The following ZNF185 variants were observed in gnomAD, a reference collection of about 807,000 sequenced individuals.
The protein encoded by ZNF185 is zinc finger protein 185 with LIM domain, also known as zinc finger protein 185.
Under a neutral mutation model 58.6 loss-of-function variants are expected in ZNF185, and 56 were observed. That is an observed-to-expected ratio of 0.95 (90% CI 0.77 to 1.19). The LOEUF is 1.19. Ranked by LOEUF, ZNF185 falls within the 50% of genes most tolerant of loss-of-function variation. ZNF185 has a pLI of 0.00. For synonymous variants in ZNF185, 230 were observed against 215.9 expected, an observed-to-expected ratio of 1.07 and a Z score of -0.57; for missense variants, 627 against 573.5, an observed-to-expected ratio of 1.09 and a Z score of -0.95.
chrX:152,902,651 C>A, the ZNF185 span, among the ~76,000 whole-genome samples: 1 of 112,515 alleles, frequency 8.9e-6, no homozygotes, highest in Non-Finnish European at 1.9e-5. Context: ...CTAGGCCGAT[C>A]CCCCCAGCAC....
At position 152,919,121 on chromosome X, in the gene ZNF185, G is replaced by A. The variant is rs189557474; in HGVS notation, c.530+40G>A. On this transcript the variant is annotated intron_variant, in intron 7 of 22. Transcript: ENST00000449285. The stretch of plus-strand genomic sequence containing the variant: ...CCTTTTGGGCATCCCGGGGGGCAGG[G>A]CAGGAGCCTGAGTCTTCGAAGACTG... The A allele has an allele frequency of 3.2e-5, 34 of 1,071,355 alleles. No individual in the cohort carries two copies. In the African/African-American group the frequency reaches 5.9e-4, roughly 19 times the overall value. 88.3% of individuals were successfully genotyped at this position (1,071,355 alleles called of 1,213,427 possible). A position where few individuals can be genotyped will look rare whatever the true frequency, so the allele number is the denominator to read the frequency against.
At position 152,914,867 on chromosome X, in the gene ZNF185, C is replaced by T. The variant is rs781901654; in HGVS notation, c.158+34C>T. 39 of 1,161,898 alleles carry T rather than the reference C, an allele frequency of 3.4e-5. No individual in the cohort carries two copies. In the East Asian group the frequency reaches 9.9e-4, roughly 30 times the overall value. ...AGGAGGCGGGGAGGGACCGCAGCAA[C>T]GTGGGGGCGCGCAATCCGTGGGGGA... On this transcript the variant is annotated intron_variant, in intron 2 of 22. Coordinates refer to ENST00000449285, the Ensembl canonical transcript of ZNF185.
Position 152,914,836 on chromosome X carries a change from A to G in ZNF185, c.158+3A>G, listed in dbSNP as rs782818438. 1.3e-5 allele frequency: 15 copies of G among 1,179,735 alleles called. No homozygotes were observed. The East Asian group carries it at 4.3e-4, about 34-fold the overall frequency. ...GATGAATCGGAGGGTCGCACCATGTAAGGCAAGGAGGCGGGGAGGGACCGC... is the reference window on the plus strand; with the variant it reads ...GATGAATCGGAGGGTCGCACCATGTGAGGCAAGGAGGCGGGGAGGGACCGC... On this transcript the variant is annotated splice_donor_region_variant and intron_variant, in intron 2 of 22. Coordinates refer to ENST00000449285, the Ensembl canonical transcript of ZNF185.
chrX:152,911,486 T>C (rs1481699995), upstream of ZNF185, among the ~76,000 whole-genome samples: 2 of 111,029 alleles, frequency 1.8e-5, no homozygotes, highest in Non-Finnish European at 3.8e-5. Flanking sequence ...GAGGTGCAGA[T>C]AAAGGCAGCA....
At chrX:152,913,686 C>G (rs1937705867), upstream of ZNF185, among the ~76,000 whole-genome samples, 1 of 112,098 alleles carries the variant, frequency 8.9e-6, no homozygotes, top group Non-Finnish European at 1.9e-5. Context: ...GAAGGTGGAG[C>G]CAACCCCCGA....
At chrX:152,920,289 G>T (rs782776865) in intron 7 of ZNF185, 39 bp from the exon 9 acceptor site, 1 of 1,184,918 alleles carries the variant, frequency 8.4e-7, no homozygotes, top group Non-Finnish European at 1.1e-6. Flanking sequence ...TGTCCAGCTT[G>T]GCACCCATCA....
At chrX:152,912,031 A>G (rs1457296185), upstream of ZNF185, among the ~76,000 whole-genome samples, 1 of 38,565 alleles carries the variant, frequency 2.6e-5, no homozygotes, top group African/African-American at 1.0e-4. Flanking sequence ...ATCCCACCCC[A>G]TCCCACTGCC....
chrX:152,938,140 G>A, exon 15 of ZNF185: 1 of 1,184,854 alleles, frequency 8.4e-7, no homozygotes. Flanking sequence ...CAGCCCAGGA[G>A]GATGCAAAGG....
At chrX:152,963,930 T>C in exon 18 of ZNF185, 1 of 1,211,370 alleles carries the variant, frequency 8.3e-7, no homozygotes, top group Non-Finnish European at 1.1e-6. Flanking sequence ...CGCAAGTGAA[T>C]TGGACTCCAG....
At chrX:152,939,776 GTTTTTTTTTT>G (rs57118182) in intron 15 of ZNF185, among the ~76,000 whole-genome samples, 8 of 49,830 alleles carry the variant, frequency 1.6e-4, no homozygotes, top group African/African-American at 4.9e-4. Flanking sequence ...AATCAGAGGT[GTTTTTTTTTT>G]TTTTTTTTTT....
chrX:152,928,619 G>C (rs1338946230), exon 12 of ZNF185: 1 of 1,210,742 alleles, frequency 8.3e-7, no homozygotes, highest in African/African-American at 1.7e-5. Flanking sequence ...CTGACACCCA[G>C]GGCAGGACTC....
intron 16 of ZNF185, among the ~76,000 whole-genome samples, chrX:152,959,464 T>C (rs80291304): frequency 8.9e-6 from 1 of 112,288 alleles, no homozygotes; most frequent in Non-Finnish European, 1.9e-5. Flanking sequence ...TAACACCTCA[T>C]TGAAGTCGTC....
chrX:152,945,108 C>T (rs2047649590), intron 15 of ZNF185, among the ~76,000 whole-genome samples, 159 bp from the exon 18 acceptor site: 1 of 113,215 alleles, frequency 8.8e-6, no homozygotes, highest in Non-Finnish European at 1.9e-5. Flanking sequence ...AGACTGTCTG[C>T]TCCCTGGAAT....
At chrX:152,969,395 A>T (rs1556917123) in exon 21 of ZNF185, 3 of 1,204,583 alleles carry the variant, frequency 2.5e-6, no homozygotes, top group Non-Finnish European at 3.4e-6. Flanking sequence ...AACTGGAGGG[A>T]TCTGTACTTA....
Position 152,938,190 on chromosome X carries a change from C to G in ZNF185, c.1211+27C>G, listed in dbSNP as rs1556884519. The G allele has an allele frequency of 2.6e-6, 3 of 1,154,393 alleles. No homozygotes were observed. The South Asian group carries it at 5.8e-5, about 22-fold the overall frequency. The stretch of plus-strand genomic sequence containing the variant: ...TAAGGCATGAGCAGACAGTGCTGAA[C>G]TTCTGGGGTGGAGAGAGGCAGCTTG... On this transcript the variant is annotated intron_variant, in intron 15 of 22. Coordinates refer to ENST00000449285, the Ensembl canonical transcript of ZNF185.
chrX:152,903,481 T>C, the ZNF185 span, among the ~76,000 whole-genome samples: 1 of 104,189 alleles, frequency 9.6e-6, no homozygotes, highest in Non-Finnish European at 2.0e-5. Flanking sequence ...GATTGGAGTG[T>C]GGGCTCCATG....
At chrX:152,947,298 G>C (rs1556896112) in intron 16 of ZNF185, among the ~76,000 whole-genome samples, 1 of 111,354 alleles carries the variant, frequency 9.0e-6, no homozygotes, top group Non-Finnish European at 1.9e-5. Context: ...TGGGAGGATT[G>C]TTTGAGCCTT....
chrX:152,920,108 G>A (rs1404518558), intron 7 of ZNF185, among the ~76,000 whole-genome samples: 4 of 113,386 alleles, frequency 3.5e-5, no homozygotes, highest in African/African-American at 1.3e-4. Context: ...ATCTGGCGCA[G>A]AGCCGGGCAC....
chrX:152,937,833 C>G (rs1167952672), intron 14 of ZNF185, among the ~76,000 whole-genome samples: 1 of 112,232 alleles, frequency 8.9e-6, no homozygotes, highest in Non-Finnish European at 1.9e-5. Context: ...CCCAGGGAAC[C>G]CAAGTTGGTC....
Sources: gnomAD v4.1 joint callset for allele counts (sites outside exome capture counted in the v4.1 genomes callset) on GRCh38, gnomAD v4.1.1 for gene constraint, MANE v1.5 for transcripts, NCBI Gene and HGNC (gene_info 2026-07-23, HGNC 2026-07-21) for gene names.